Variants in CCSER1 observed in about 807,000 individuals in gnomAD.
The protein encoded by CCSER1 is serine-rich coiled-coil domain-containing protein 1.
In CCSER1, 41 loss-of-function variants were observed where a neutral mutation model predicts 82.0. The observed-to-expected ratio is 0.50, with a 90% CI of 0.39 to 0.65. The LOEUF (loss-of-function observed/expected upper bound fraction) is 0.65. Among genes scored for constraint, CCSER1 ranks in the 30% least tolerant of loss-of-function variants. The probability of loss-of-function intolerance (pLI) is 0.00; values close to 1 mark genes in which losing one functional copy is unlikely to be tolerated. For missense variants in CCSER1, 1,119 were observed against 1,064.2 expected (o/e 1.05, Z -0.72); for synonymous variants, 414 against 383.9 (o/e 1.08, Z -0.92).
chr4:90,672,990 C>T (rs190475968), intron 6 of CCSER1, among the ~76,000 whole-genome samples: 8 of 151,776 alleles, frequency 5.3e-5, no homozygotes, highest in East Asian at 3.9e-4. Flanking sequence ...TCACTGACCA[C>T]GTATCATCGT....
chr4:91,377,890 A>G (rs1057387678), intron 10 of CCSER1, among the ~76,000 whole-genome samples: 2 of 152,184 alleles, frequency 1.3e-5, no homozygotes, highest in Admixed American at 6.5e-5. Flanking sequence ...TAGGTCTAAC[A>G]TTTAAGTCTT....
intron 10 of CCSER1, among the ~76,000 whole-genome samples, chr4:91,516,688 G>C (rs181445152): frequency 6.6e-6 from 1 of 151,866 alleles, no homozygotes; most frequent in Non-Finnish European, 1.5e-5. Flanking sequence ...TTGTTTCTTC[G>C]GGTTCTTTTT....
intron 9 of CCSER1, among the ~76,000 whole-genome samples, chr4:91,065,953 T>C (rs532946456): frequency 6.6e-6 from 1 of 152,306 alleles, no homozygotes; most frequent in East Asian, 1.9e-4. Context: ...CTTATATCTA[T>C]AAAAATGAAA....
At chr4:90,566,255 T>G (rs966294571) in intron 5 of CCSER1, among the ~76,000 whole-genome samples, 2 of 152,182 alleles carry the variant, frequency 1.3e-5, no homozygotes, top group African/African-American at 4.8e-5. Context: ...TCTGTAGTTT[T>G]ATTAATAGTG....
chr4:90,830,732 G>T (rs1026242972), intron 8 of CCSER1, among the ~76,000 whole-genome samples: 2 of 152,082 alleles, frequency 1.3e-5, no homozygotes, highest in African/African-American at 4.8e-5. Context: ...CCAAAGATTT[G>T]AGGCAGCCAA....
intron 3 of CCSER1, among the ~76,000 whole-genome samples, chr4:90,324,692 A>G (rs989033711): frequency 6.6e-6 from 1 of 151,790 alleles, no homozygotes; most frequent in Non-Finnish European, 1.5e-5. Context: ...CCATTTGTCA[A>G]TTTTGGCTTT....
rs985998817 is a variant in CCSER1 at position 91,602,606 on chromosome 4, A to ATAAT, written c.*3552_*3555dup. The stretch of plus-strand genomic sequence containing the variant: ...AATTTGGAATACTTAGCATAATCTC[A>ATAAT]TAATTATAATCTAAATTTTTACTAC... On this transcript the variant is annotated 3_prime_UTR_variant, in exon 11 of 11. Coordinates refer to ENST00000509176, the MANE Select transcript of CCSER1 (RefSeq NM_001145065.2). Among the ~76,000 whole-genome samples the ATAAT allele has an allele frequency of 2.6e-5, 4 of 151,994 alleles. No individual in the cohort carries two copies. The highest frequency in any genetic ancestry group is 9.7e-5 in the African/African-American group (4 of 41,412).
intron 10 of CCSER1, among the ~76,000 whole-genome samples, chr4:91,405,766 A>G (rs1266844955): frequency 6.6e-6 from 1 of 152,146 alleles, no homozygotes; most frequent in Non-Finnish European, 1.5e-5. Flanking sequence ...TTTTCCAGGT[A>G]CCATCTGTCA....
chr4:91,545,311 G>T (rs1761830598), intron 10 of CCSER1, among the ~76,000 whole-genome samples: 1 of 151,992 alleles, frequency 6.6e-6, no homozygotes, highest in Admixed American at 6.6e-5. Context: ...TTCGGCTCAT[G>T]GTCTGTGTGC....
chr4:90,487,686 A>T (rs1237665400), intron 5 of CCSER1, among the ~76,000 whole-genome samples: 2 of 152,142 alleles, frequency 1.3e-5, no homozygotes, highest in Non-Finnish European at 2.9e-5. Flanking sequence ...TTGTTCTGTC[A>T]CTAGGCTGGA....
intron 6 of CCSER1, among the ~76,000 whole-genome samples, chr4:90,690,240 G>T (rs1281411277): frequency 6.6e-6 from 1 of 151,934 alleles, no homozygotes; most frequent in Non-Finnish European, 1.5e-5. Flanking sequence ...TCAGAAAGGG[G>T]GTTGGATAAC....
At chr4:91,480,439 C>T (rs866340734) in intron 10 of CCSER1, among the ~76,000 whole-genome samples, 9 of 152,132 alleles carry the variant, frequency 5.9e-5, no homozygotes, top group Non-Finnish European at 1.2e-4. Flanking sequence ...ACCATTCTAA[C>T]TGGTGTGAGA....
At position 91,598,762 on chromosome 4, in the gene CCSER1, T is replaced by C; in HGVS notation, c.2408T>C (p.Ile803Thr). The change falls in exon 11 of 11, where the codon ATC (isoleucine) becomes ACC (threonine). Residue 803 changes from isoleucine to threonine, a missense_variant. Transcript: ENST00000509176. ...FLKDKELAEVIKHSRGTYETL... is the reference protein window; with the variant it reads ...FLKDKELAEVTKHSRGTYETL... Reference sequence around the variant, plus strand: ...AAGGACAAGGAACTAGCAGAAGTTATCAAACATTCAAGAGGAACTTATGAA... The same window carrying C: ...AAGGACAAGGAACTAGCAGAAGTTACCAAACATTCAAGAGGAACTTATGAA... The C allele has an allele frequency of 6.4e-7, 1 of 1,551,570 alleles. No homozygotes were observed. Among genetic ancestry groups the C allele is most frequent in the Non-Finnish European group, 8.7e-7 (1 of 1,146,928 alleles).
intron 5 of CCSER1, among the ~76,000 whole-genome samples, chr4:90,617,074 T>C (rs544771436): frequency 1.0e-3 from 154 of 152,278 alleles, no homozygotes; most frequent in African/African-American, 3.6e-3. Flanking sequence ...TAATTTAAAA[T>C]ACAATTATTA....
At chr4:91,560,048 G>A (rs1762583074) in intron 10 of CCSER1, among the ~76,000 whole-genome samples, 1 of 151,344 alleles carries the variant, frequency 6.6e-6, no homozygotes. Context: ...ATTGGATAAT[G>A]AATAAATAGA....
intron 10 of CCSER1, among the ~76,000 whole-genome samples, chr4:91,301,107 T>A (rs969177256): frequency 2.6e-5 from 4 of 151,906 alleles, no homozygotes; most frequent in African/African-American, 9.7e-5. Context: ...ATGCACAATT[T>A]ACAGATGGGT....
chr4:90,957,554 A>ATATATATTATATAATTATAT (rs1561417985), intron 9 of CCSER1, among the ~76,000 whole-genome samples: 9 of 65,410 alleles, frequency 1.4e-4, no homozygotes, highest in East Asian at 4.9e-4. Context: ...TAATTATATT[A>ATATATATTATATAATTATAT]TATATATTAT....
At chr4:90,496,703 G>A (rs1019966398) in intron 5 of CCSER1, among the ~76,000 whole-genome samples, 1 of 152,092 alleles carries the variant, frequency 6.6e-6, no homozygotes, top group Non-Finnish European at 1.5e-5. Context: ...CATCGGCCAG[G>A]CACAGTGGCT....
chr4:91,153,798 A>G (rs1314753498), intron 10 of CCSER1, among the ~76,000 whole-genome samples: 2 of 151,916 alleles, frequency 1.3e-5, no homozygotes, highest in African/African-American at 4.8e-5. Context: ...TTGCCTGGGT[A>G]TCACCAGCGG....
Sources: allele counts gnomAD v4.1 joint callset (sites outside exome capture counted in the v4.1 genomes callset), GRCh38; gene constraint gnomAD v4.1.1; transcripts MANE v1.5; gene names NCBI Gene and HGNC (gene_info 2026-07-23, HGNC 2026-07-21).